Variants in C8orf58 observed in about 807,000 individuals in gnomAD.
The protein encoded by C8orf58 is uncharacterized protein C8orf58.
Under a neutral mutation model 36.8 loss-of-function variants are expected in C8orf58, and 31 were observed. That is an observed-to-expected ratio of 0.84 (90% CI 0.63 to 1.14). C8orf58 has a LOEUF of 1.14. C8orf58 is among the 50% of genes most tolerant of loss of function. The probability of loss-of-function intolerance (pLI) is 0.00; values close to 1 mark genes in which losing one functional copy is unlikely to be tolerated. For synonymous variants in C8orf58, 230 were observed against 200.2 expected, an observed-to-expected ratio of 1.15 and a Z score of -1.26; for missense variants, 538 against 480.8, an observed-to-expected ratio of 1.12 and a Z score of -1.11.
chr8:22,602,028 A>G lies in C8orf58; in HGVS notation c.714A>G (p.Pro238=). The change falls in exon 4 of 7, where the codon CCA becomes CCG. Residue 238 remains proline, a synonymous_variant. Coordinates refer to ENST00000289989, the MANE Select transcript of C8orf58 (RefSeq NM_001013842.3). ...RAPLPSPLHT[P]GNRGQGPWEL... is the part of the protein sequence containing the mutation. ...CTTTACCGTCCCCGTTACACACCCC[A>G]GGCAATCGGGGGCAGGGGCCATGGG... is the stretch of plus-strand genomic sequence containing the variant. 1 of 1,581,120 alleles carries G rather than the reference A, an allele frequency of 6.3e-7. No homozygotes were observed. Among genetic ancestry groups the G allele is most frequent in the Non-Finnish European group, 8.6e-7 (1 of 1,160,032 alleles).
Position 22,602,606 on chromosome 8 carries a change from C to T in C8orf58, c.949C>T (p.Pro317Ser), listed in dbSNP as rs774177566. ...GATCTGCCGGAGAAGCCACCACCAC[C>T]CTGAGCCCCCTGCCCCTCCTGATGG... Reference protein sequence around the residue: ...NRICRRSHHHPEPPAPPDGSD... With the variant: ...NRICRRSHHHSEPPAPPDGSD... Residue 317 changes from proline to serine, a missense_variant, in exon 6 of 7, where the codon CCT becomes TCT. By Grantham distance (74) the Pro-to-Ser change is moderately conservative (BLOSUM62 -1). Coordinates refer to ENST00000289989, the MANE Select transcript of C8orf58 (RefSeq NM_001013842.3). The T allele has an allele frequency of 6.4e-7, 1 of 1,563,850 alleles. No individual in the cohort carries two copies. Among genetic ancestry groups the T allele is most frequent in the East Asian group, 2.3e-5 (1 of 44,390 alleles).
rs775428629 is a variant in C8orf58 at position 22,603,307 on chromosome 8, G to C, written c.*1G>C. ...AGCAAAAAACCTTTCTGTAGGCTGAGACCTCTCGGTGCACCTGGTGACCCT... is the reference window on the plus strand; with the variant it reads ...AGCAAAAAACCTTTCTGTAGGCTGACACCTCTCGGTGCACCTGGTGACCCT... On this transcript the variant is annotated 3_prime_UTR_variant, in exon 7 of 7. Coordinates refer to ENST00000289989, the MANE Select transcript of C8orf58 (RefSeq NM_001013842.3). 40 of 1,606,096 alleles carry C rather than the reference G, an allele frequency of 2.5e-5. No individual in the cohort carries two copies. Among genetic ancestry groups the C allele is most frequent in the Non-Finnish European group, 3.4e-5 (40 of 1,173,030 alleles).
rs1351315998 is a variant in C8orf58 at position 22,600,892 on chromosome 8, C to T, written c.51C>T (p.Gly17=). 1.6e-5 allele frequency: 26 copies of T among 1,602,532 alleles called. No individual in the cohort carries two copies. The highest frequency in any genetic ancestry group is 1.9e-5 in the Non-Finnish European group (22 of 1,175,654). Residue 17 remains glycine (G), a synonymous_variant, in exon 2 of 7, where the codon GGC becomes GGT. Transcript: ENST00000289989. Reference sequence around the variant, plus strand: ...TGACTCTCCATGCAGATGGGGCTGGCGAGGGCCTGGCACGGGGCTGCATAG... The same window carrying T: ...TGACTCTCCATGCAGATGGGGCTGGTGAGGGCCTGGCACGGGGCTGCATAG... ...AFAVDGRDGA[G]EGLARGCIVP... is the part of the protein sequence containing the mutation.
chr8:22,601,604 C>A, intron 2 of C8orf58, 108 bp from the exon 3 acceptor site: 1 of 1,349,632 alleles, frequency 7.4e-7, no homozygotes, highest in Non-Finnish European at 1.0e-6. Context: ...TGTGTTCCTC[C>A]TCGGGGCCCA....
In C8orf58 at chr8:22,599,659, G is replaced by T. The variant is rs924319123; in HGVS notation, c.-62G>T. ...GCTCCCTGAGCTGCCCGAGCTCCGCGGGGACTCGGGCCGGGATCCTCGGGC... is the reference window on the plus strand; with the variant it reads ...GCTCCCTGAGCTGCCCGAGCTCCGCTGGGACTCGGGCCGGGATCCTCGGGC... On this transcript the variant is annotated 5_prime_UTR_variant, in exon 1 of 7. Transcript: ENST00000289989. 86 of 956,894 alleles carry T rather than the reference G, an allele frequency of 9.0e-5. No individual in the cohort carries two copies. Among genetic ancestry groups the T allele is most frequent in the Non-Finnish European group, 1.1e-4 (85 of 750,904 alleles). 59.3% of individuals were successfully genotyped at this position (956,894 alleles called of 1,614,324 possible).
At chr8:22,602,368 T>TGCGGGTGGGG in intron 5 of C8orf58, 56 bp downstream of exon 5, 1 of 328,378 alleles carries the variant, frequency 3.0e-6, no homozygotes, top group Non-Finnish European at 5.9e-6. Flanking sequence ...GGAGGGGAGG[T>TGCGGGTGGGG]GGGGGATGCA....
Position 22,603,419 on chromosome 8 carries a change from G to T in C8orf58, c.*113G>T, listed in dbSNP as rs1318256045. ...TTGCCAGGAAAAGCTGCTGACGCCTGCCCTCCTCTCTTGAGTCGAGGGCTG... is the reference window on the plus strand; with the variant it reads ...TTGCCAGGAAAAGCTGCTGACGCCTTCCCTCCTCTCTTGAGTCGAGGGCTG... On this transcript the variant is annotated 3_prime_UTR_variant, in exon 7 of 7. Coordinates refer to ENST00000289989, the MANE Select transcript of C8orf58 (RefSeq NM_001013842.3). 2.4e-5 allele frequency: 19 copies of T among 780,072 alleles called. No individual in the cohort carries two copies. In the East Asian group the frequency reaches 4.6e-4, roughly 19 times the overall value. The allele number at this position is 780,072 out of a possible 1,614,324, so 48.3% of individuals were successfully genotyped here. A position where few individuals can be genotyped will look rare whatever the true frequency, so the allele number is the denominator to read the frequency against.
chr8:22,600,431 G>C (rs1376540419), intron 1 of C8orf58: 1 of 166,086 alleles, frequency 6.0e-6, no homozygotes, highest in African/African-American at 2.4e-5. Flanking sequence ...TCCTGATGCC[G>C]CAGGGGCCCC....
At chr8:22,599,854 A>AGCCCCGCGC in intron 1 of C8orf58, 94 bp downstream of exon 1, 2 of 560,264 alleles carry the variant, frequency 3.6e-6, no homozygotes, top group East Asian at 3.8e-5. Flanking sequence ...TTTCTTGCCC[A>AGCCCCGCGC]GCCCCGCGCA....
In C8orf58 at chr8:22,603,263, T is replaced by G; in HGVS notation, c.1055T>G (p.Leu352Ter). 1 of 1,613,970 alleles carries G rather than the reference T, an allele frequency of 6.2e-7. No individual in the cohort carries two copies. Among genetic ancestry groups the G allele is most frequent in the Non-Finnish European group, 8.5e-7 (1 of 1,179,992 alleles). The stretch of plus-strand genomic sequence containing the variant: ...CACCGGAAGACCTTTATGCCATCAT[T>G]AGTGGTTAAGAAGCAACGAGCAAAA... ...RPHRKTFMPS[L>*]VVKKQRAKNL... The change falls in exon 7 of 7, where the codon TTA becomes TGA. Residue 352 changes from leucine to a stop codon, truncating the protein, a stop_gained. Coordinates refer to ENST00000289989, the MANE Select transcript of C8orf58 (RefSeq NM_001013842.3). LOFTEE classifies it high-confidence loss of function.
At position 22,599,758 on chromosome 8, in the gene C8orf58, G is replaced by T. The variant is rs887146021; in HGVS notation, c.38G>T (p.Arg13Leu). 3.3e-6 allele frequency: 4 copies of T among 1,217,962 alleles called. No homozygotes were observed. Among genetic ancestry groups the T allele is most frequent in the Non-Finnish European group, 4.1e-6 (4 of 978,602 alleles). The allele number at this position is 1,217,962 out of a possible 1,614,324, so 75.4% of individuals were successfully genotyped here. The change falls in exon 1 of 7, where the codon CGG becomes CTG. Residue 13 changes from arginine (R) to leucine (L), a missense_variant and splice_region_variant. Coordinates refer to ENST00000289989, the MANE Select transcript of C8orf58 (RefSeq NM_001013842.3). Reference protein sequence around the residue: ...GRRRAFAVDGRDGAGEGLARG... With the variant: ...GRRRAFAVDGLDGAGEGLARG... ...CGGCGCGCCTTCGCCGTGGACGGCC[G>T]GGGTGAGTCACCCACCCCCAGGCTG...
intron 6 of C8orf58, chr8:22,602,914 C>T: frequency 1.7e-6 from 1 of 585,174 alleles, no homozygotes; most frequent in Non-Finnish European, 3.0e-6. Context: ...TACCCTAGCT[C>T]AGCAACCCCT....
chr8:22,602,335 G>A (rs1800889334), intron 5 of C8orf58, 23 bp downstream of exon 5: 1 of 1,074,656 alleles, frequency 9.3e-7, no homozygotes, highest in South Asian at 1.3e-5. Flanking sequence ...TATATGTGGG[G>A]CAGGTGGTGG....
intron 6 of C8orf58, 140 bp downstream of exon 6, chr8:22,602,783 A>T: frequency 3.2e-6 from 2 of 618,392 alleles, no homozygotes; most frequent in Non-Finnish European, 5.6e-6. Context: ...AAGAAACAGT[A>T]GTTAAAACAC....
chr8:22,601,176 A>G lies in C8orf58; in HGVS notation c.335A>G (p.Gln112Arg). 1 of 1,610,050 alleles carries G rather than the reference A, an allele frequency of 6.2e-7. No individual in the cohort carries two copies. The highest frequency in any genetic ancestry group is 1.1e-5 in the South Asian group (1 of 90,880). The change falls in exon 2 of 7, where the codon CAG (glutamine) becomes CGG (arginine). Residue 112 changes from glutamine to arginine, a missense_variant. Gln to Arg is a conservative substitution (Grantham distance 43). Coordinates refer to ENST00000289989, the MANE Select transcript of C8orf58 (RefSeq NM_001013842.3). ...CAGGTAGGCCGACTCCTGGCCAGCC[A>G]GAAGCTGGGGGAGGTGTTGGAGCGG... The part of the protein sequence containing the change: ...PAQVGRLLAS[Q>R]KLGEVLERSR...
chr8:22,599,696 CCGGGGCCGG>C lies in C8orf58; in HGVS notation c.-24_-16del. 1 of 1,200,958 alleles carries C rather than the reference CCGGGGCCGG, an allele frequency of 8.3e-7. No homozygotes were observed. The highest frequency in any genetic ancestry group is 3.4e-5 in the East Asian group (1 of 29,792). 74.4% of individuals were successfully genotyped at this position (1,200,958 alleles called of 1,614,324 possible). ...CGGGATCCTCGGGCGGCTGCATTGG[CCGGGGCCGG>C]GGCCGGGAGCGGGCCATGATGGGCC... On this transcript the variant is annotated 5_prime_UTR_variant, in exon 1 of 7. Transcript: ENST00000289989.
intron 2 of C8orf58, 121 bp from the exon 3 acceptor site, chr8:22,601,591 G>T: frequency 8.0e-7 from 1 of 1,254,898 alleles, no homozygotes; most frequent in South Asian, 1.5e-5. Context: ...GAAGCCGGCT[G>T]CGTGTGTTCC....
chr8:22,601,560 T>C (rs900273), intron 2 of C8orf58, 152 bp from the exon 3 acceptor site: 780,563 of 1,059,420 alleles, frequency 0.74, 289,330 homozygotes, highest in East Asian at 0.87. Context: ...TTCCTGGCAC[T>C]ATGCCCCGCT....
chr8:22,602,563 C>G lies in C8orf58; in HGVS notation c.906C>G (p.Val302=). ...HKRDISHWDK[V]KVLLNRICRR... Reference sequence around the variant, plus strand: ...GGGATATCTCCCACTGGGACAAGGTCAAGGTCCTGCTCAACCGGATCTGCC... The same window carrying G: ...GGGATATCTCCCACTGGGACAAGGTGAAGGTCCTGCTCAACCGGATCTGCC... The change falls in exon 6 of 7, where the codon GTC becomes GTG. Residue 302 remains valine (V), a synonymous_variant. Coordinates refer to ENST00000289989, the MANE Select transcript of C8orf58 (RefSeq NM_001013842.3). 2 of 1,601,410 alleles carry G rather than the reference C, an allele frequency of 1.2e-6. No individual in the cohort carries two copies. Among genetic ancestry groups the G allele is most frequent in the Non-Finnish European group, 8.5e-7 (1 of 1,172,018 alleles).
Sources: allele counts gnomAD v4.1 joint callset, GRCh38; gene constraint gnomAD v4.1.1; transcripts MANE v1.5; gene names NCBI Gene and HGNC (gene_info 2026-07-23, HGNC 2026-07-21).